FCHSD1: variants seen among roughly 807,000 people sequenced by gnomAD.
FCHSD1 encodes FCH and double SH3 domains 1.
In FCHSD1, 109 loss-of-function variants were observed where a neutral mutation model predicts 101.3. That is an observed-to-expected ratio of 1.08 (90% CI 0.92 to 1.26). The LOEUF (loss-of-function observed/expected upper bound fraction) is 1.26. Ranked by LOEUF, FCHSD1 falls within the 50% of genes most tolerant of loss-of-function variation. The pLI is 0.00. For synonymous variants in FCHSD1, 291 were observed against 356.8 expected (o/e 0.82, Z 2.08); for missense variants, 820 against 895.8 (o/e 0.92, Z 1.08).
chr5:141,640,325 G>A lies in FCHSD1; in HGVS notation c.*1173C>T, dbSNP rs369105841. 6.8e-6 allele frequency: 11 copies of A among 1,613,972 alleles called. No individual in the cohort carries two copies. Among genetic ancestry groups the A allele is most frequent in the Non-Finnish European group, 9.3e-6 (11 of 1,179,892 alleles). On this transcript the variant is annotated 3_prime_UTR_variant, in exon 20 of 20. Coordinates refer to ENST00000435817, the MANE Select transcript of FCHSD1 (RefSeq NM_033449.3). ...GAAAACACAGCCGGGACTGCACTGG[G>A]CTGGGCTCTTATTGCTCTCTACTCT...
chr5:141,651,146 C>G, intron 1 of FCHSD1, 29 bp from the exon 2 acceptor site: 1 of 1,561,832 alleles, frequency 6.4e-7, no homozygotes, highest in Non-Finnish European at 8.7e-7. Context: ...GATGAAGACC[C>G]CAGCGCAAGG....
Position 141,643,049 on chromosome 5 carries a change from C to A in FCHSD1, c.1903G>T (p.Ala635Ser). 1 of 1,545,320 alleles carries A rather than the reference C, an allele frequency of 6.5e-7. No homozygotes were observed. Among genetic ancestry groups the A allele is most frequent in the South Asian group, 1.2e-5 (1 of 82,570 alleles). The change falls in exon 18 of 20, where the codon GCA becomes TCA. Residue 635 changes from alanine to serine, a missense_variant. Physicochemically the swap from Ala to Ser is moderately conservative, Grantham distance 99 (BLOSUM62 1). Transcript: ENST00000435817. The part of the protein sequence containing the change: ...SPSPPSFSPP[A>S]PTSVLDGPPA... The stretch of plus-strand genomic sequence containing the variant: ...GGCCCATCCAACACAGAGGTAGGTG[C>A]AGGTGGGGAGAAGCTGGGAGGAGAA...
Position 141,643,070 on chromosome 5 carries a change from GA to G in FCHSD1, c.1881del (p.Pro628LeufsTer35). 1 of 1,515,254 alleles carries G rather than the reference GA, an allele frequency of 6.6e-7. No individual in the cohort carries two copies. Among genetic ancestry groups the G allele is most frequent in the Non-Finnish European group, 8.8e-7 (1 of 1,133,502 alleles). 93.9% of individuals were successfully genotyped at this position (1,515,254 alleles called of 1,614,324 possible). The part of the protein sequence containing the change: ...SDPEQMLPSP[S>X]PPSFSPPAPT... ...GGTGCAGGTGGGGAGAAGCTGGGAG[GA>G]GAAGGGGACGGCAGCATCTGGAGGT... On this transcript the variant is annotated frameshift_variant, in exon 18 of 20. Coordinates refer to ENST00000435817, the MANE Select transcript of FCHSD1 (RefSeq NM_033449.3). LOFTEE classifies it high-confidence loss of function.
At chr5:141,642,334 C>A in intron 18 of FCHSD1, 1 of 650,730 alleles carries the variant, frequency 1.5e-6, no homozygotes, top group Non-Finnish European at 2.7e-6. Flanking sequence ...AAATAACAGA[C>A]TCCCAGGACT....
chr5:141,641,656 G>A, intron 19 of FCHSD1, 46 bp downstream of exon 19: 1 of 1,612,892 alleles, frequency 6.2e-7, no homozygotes, highest in Non-Finnish European at 8.5e-7. Context: ...GGACTGGTTG[G>A]AATAACCCCT....
At position 141,649,272 on chromosome 5, in the gene FCHSD1, G is replaced by A; in HGVS notation, c.412C>T (p.Leu138=). The A allele has an allele frequency of 2.5e-6, 4 of 1,614,006 alleles. No homozygotes were observed. The highest frequency in any genetic ancestry group is 1.6e-4 in the Middle Eastern group (1 of 6,062). Residue 138 remains leucine (L), a synonymous_variant, in exon 6 of 20, where the codon CTG becomes TTG. Transcript: ENST00000435817. The surrounding 1 kb of genome is among the most constrained non-coding windows in gnomAD (Gnocchi z 4.1). ...CGGCTCAGCTCCCGGACAGACTGCA[G>A]CACCTCAGCCTGCGCCCTCTGGAGG... ...ENLQRAQAEV[L]QSVRELSRSR... is the part of the protein sequence containing the mutation.
In FCHSD1 at chr5:141,649,793, C is replaced by T; in HGVS notation, c.233+94G>A. The T allele has an allele frequency of 1.4e-6, 2 of 1,424,364 alleles. No homozygotes were observed. The highest frequency in any genetic ancestry group is 1.9e-6 in the Non-Finnish European group (2 of 1,056,854). 88.2% of individuals were successfully genotyped at this position (1,424,364 alleles called of 1,614,324 possible). A position where few individuals can be genotyped will look rare whatever the true frequency, so the allele number is the denominator to read the frequency against. On this transcript the variant is annotated intron_variant, in intron 4 of 19. Coordinates refer to ENST00000435817, the MANE Select transcript of FCHSD1 (RefSeq NM_033449.3). This position sits in a 1 kb window ranked among gnomAD's most constrained non-coding sequence, Gnocchi z 4.1. ...GCTCTACCTACAGCTCACGTGCCTT[C>T]CCCACTTGCTAGGCCTTCATCCCCA...
In FCHSD1 at chr5:141,642,999, A is replaced by AC. The variant is rs755690784; in HGVS notation, c.1951+1dup. On this transcript the variant is annotated splice_donor_variant, in intron 18 of 19. Coordinates refer to ENST00000435817, the MANE Select transcript of FCHSD1 (RefSeq NM_033449.3). LOFTEE classifies it high-confidence loss of function. ...CCAAGGCTCCCAGTTCCTTCCACTC[A>AC]CCCCCAGGCAGGACAGGTGCAGGGG... The AC allele has an allele frequency of 1.3e-6, 2 of 1,559,152 alleles. No homozygotes were observed. Among genetic ancestry groups the AC allele is most frequent in the Non-Finnish European group, 1.7e-6 (2 of 1,152,458 alleles).
At chr5:141,650,003 C>A in intron 3 of FCHSD1, 49 bp from the exon 4 acceptor site, 3 of 1,498,562 alleles carry the variant, frequency 2.0e-6, no homozygotes. Context: ...AAGACCCACC[C>A]CAACTGGCAG....
intron 7 of FCHSD1, 64 bp from the exon 8 acceptor site, chr5:141,648,160 G>A (rs2099907894): frequency 1.3e-6 from 2 of 1,518,456 alleles, no homozygotes; most frequent in Non-Finnish European, 1.8e-6. Context: ...AAGACCAATT[G>A]AGAAGCCAGA....
Position 141,640,505 on chromosome 5 carries a change from T to C in FCHSD1, c.*993A>G, listed in dbSNP as rs2099906730. The C allele has an allele frequency of 6.2e-6, 10 of 1,613,482 alleles. 1 individual carries two copies. The South Asian group carries it at 1.1e-4, about 18-fold the overall frequency. Reference sequence around the variant, plus strand: ...ATCTTCCCATCACCTACTTAAACTATTTAAGCCTTTCGGCTCCCTGAACCC... The same window carrying C: ...ATCTTCCCATCACCTACTTAAACTACTTAAGCCTTTCGGCTCCCTGAACCC... On this transcript the variant is annotated 3_prime_UTR_variant, in exon 20 of 20. Coordinates refer to ENST00000435817, the MANE Select transcript of FCHSD1 (RefSeq NM_033449.3).
rs1368842174 is a variant in FCHSD1 at position 141,641,255 on chromosome 5, C to G, written c.*243G>C. 2.1e-5 allele frequency: 9 copies of G among 428,254 alleles called. No individual in the cohort carries two copies. The highest frequency in any genetic ancestry group is 3.3e-5 in the Non-Finnish European group (8 of 243,524). 26.5% of individuals were successfully genotyped at this position (428,254 alleles called of 1,614,324 possible). A position where few individuals can be genotyped will look rare whatever the true frequency, so the allele number is the denominator to read the frequency against. ...CAGAGATTTCAGGCATTTCACCACC[C>G]TAGATAGGGTCATGACAGAAGAGAA... On this transcript the variant is annotated 3_prime_UTR_variant, in exon 20 of 20. Coordinates refer to ENST00000435817, the MANE Select transcript of FCHSD1 (RefSeq NM_033449.3).
intron 15 of FCHSD1, 33 bp from the exon 16 acceptor site, chr5:141,644,723 CT>C (rs770191234): frequency 1.2e-5 from 19 of 1,612,712 alleles, no homozygotes; most frequent in Admixed American, 5.0e-5. Context: ...AGATATTAGA[CT>C]TACCTCAGCA....
chr5:141,642,706 TG>T, intron 18 of FCHSD1: 1 of 551,306 alleles, frequency 1.8e-6, no homozygotes, highest in Admixed American at 3.7e-5. Flanking sequence ...CACAATGCTG[TG>T]TAGTCCACAG....
chr5:141,650,482 C>T, intron 2 of FCHSD1, 78 bp from the exon 3 acceptor site: 6 of 1,593,856 alleles, frequency 3.8e-6, no homozygotes, highest in Non-Finnish European at 5.2e-6. Flanking sequence ...CAGTCCTCTA[C>T]TCTGGGCAGG....
chr5:141,642,103 G>A, intron 18 of FCHSD1: 1 of 511,714 alleles, frequency 2.0e-6, no homozygotes, highest in Non-Finnish European at 3.5e-6. Context: ...ACTCCAGGGA[G>A]GGAGACTCCT....
intron 13 of FCHSD1, among the ~76,000 whole-genome samples, 183 bp from the exon 14 acceptor site, chr5:141,645,331 C>T (rs991938784): frequency 1.3e-5 from 2 of 151,380 alleles, no homozygotes; most frequent in Non-Finnish European, 2.9e-5. Flanking sequence ...AATAGAGTTA[C>T]AGTAATTGAG....
chr5:141,641,543 CGGG>C lies in FCHSD1; in HGVS notation c.2025_2027del (p.Pro677del). 1 of 1,520,428 alleles carries C rather than the reference CGGG, an allele frequency of 6.6e-7. No individual in the cohort carries two copies. The highest frequency in any genetic ancestry group is 8.8e-7 in the Non-Finnish European group (1 of 1,132,682). The allele number at this position is 1,520,428 out of a possible 1,614,324, so 94.2% of individuals were successfully genotyped here. On this transcript the variant is annotated inframe_deletion, in exon 20 of 20. Coordinates refer to ENST00000435817, the MANE Select transcript of FCHSD1 (RefSeq NM_033449.3). ...GGCCAGGATCCGGGGCTTTAGCCGG[CGGG>C]GGAGGTGGTGGACGCATCTGTAGGG... is the stretch of plus-strand genomic sequence containing the variant.
rs2099908323 is a variant in FCHSD1 at position 141,651,035 on chromosome 5, A to G, written c.104T>C (p.Leu35Pro). The G allele has an allele frequency of 1.9e-6, 3 of 1,593,322 alleles. No individual in the cohort carries two copies. The highest frequency in any genetic ancestry group is 2.6e-6 in the Non-Finnish European group (3 of 1,169,452). ...LQTWQQREAD[L>P]LEDIRSYSKQ... ...GGGGAGCTACCTGATGTCCTCCAGC[A>G]GATCCGCCTCCCTCTGCTGCCAGGT... Residue 35 changes from leucine (L) to proline (P), a missense_variant, in exon 2 of 20, where the codon CTG (leucine) becomes CCG (proline). Coordinates refer to ENST00000435817, the MANE Select transcript of FCHSD1 (RefSeq NM_033449.3).
Sources: allele counts gnomAD v4.1 joint callset (sites outside exome capture counted in the v4.1 genomes callset), GRCh38; gene constraint gnomAD v4.1.1; non-coding constraint Gnocchi (gnomAD v3.1); transcripts MANE v1.5; gene names NCBI Gene and HGNC (gene_info 2026-07-23, HGNC 2026-07-21).